Variants in QTMAN observed in about 807,000 individuals in gnomAD.
The protein encoded by QTMAN is queuosine-tRNA mannosyltransferase.
the QTMAN span, among the ~76,000 whole-genome samples, chr2:144,092,321 G>A: frequency 2.6e-5 from 4 of 151,900 alleles, no homozygotes; most frequent in East Asian, 1.9e-4. Flanking sequence ...GACTACAGGC[G>A]CCCACCACCG....
At chr2:144,103,815 C>T in the QTMAN span, among the ~76,000 whole-genome samples, 920 of 152,220 alleles carry the variant, frequency 6.0e-3, 14 homozygotes, top group African/African-American at 0.021. Flanking sequence ...TAGGGCCAGG[C>T]AGGGTGGCTC....
At chr2:144,054,130 G>A in the QTMAN span, among the ~76,000 whole-genome samples, 3 of 152,170 alleles carry the variant, frequency 2.0e-5, no homozygotes, top group Admixed American at 6.5e-5. Flanking sequence ...GGAGCTGGCA[G>A]TGAGCAGAGA....
chr2:144,134,279 A>G, the QTMAN span, among the ~76,000 whole-genome samples: 1 of 152,084 alleles, frequency 6.6e-6, no homozygotes, highest in East Asian at 1.9e-4. Flanking sequence ...TAAAGTTTTC[A>G]CACTGTTTTT....
the QTMAN span, among the ~76,000 whole-genome samples, chr2:143,968,067 C>A: frequency 3.3e-5 from 5 of 152,132 alleles, no homozygotes; most frequent in Non-Finnish European, 7.4e-5. Flanking sequence ...AGCAAAGCGG[C>A]CTTCTAAGGG....
At chr2:143,945,390 CA>C in the QTMAN span, 1 of 152,206 alleles carries the variant, frequency 6.6e-6, no homozygotes, top group Admixed American at 6.5e-5. Flanking sequence ...CTGTGGGTCT[CA>C]TGAAGGTTGG....
chr2:143,957,293 G>A, the QTMAN span: 7 of 1,609,612 alleles, frequency 4.3e-6, no homozygotes, highest in Non-Finnish European at 5.9e-6. Context: ...AGTAGCCCCA[G>A]TGTAAGACAG....
the QTMAN span, among the ~76,000 whole-genome samples, chr2:144,271,427 A>G: frequency 6.6e-6 from 1 of 152,214 alleles, no homozygotes; most frequent in Non-Finnish European, 1.5e-5. Context: ...AAGGAACCAG[A>G]CTAGCCATTT....
the QTMAN span, among the ~76,000 whole-genome samples, chr2:143,983,092 AAGCTTAGTTGAAAG>A: frequency 6.6e-6 from 1 of 152,178 alleles, no homozygotes; most frequent in Non-Finnish European, 1.5e-5. Flanking sequence ...ATGAACAATA[AAGCTTAGTTGAAAG>A]AGGGTTCAAA....
chr2:144,174,749 G>T, the QTMAN span, among the ~76,000 whole-genome samples: 1 of 152,184 alleles, frequency 6.6e-6, no homozygotes, highest in Non-Finnish European at 1.5e-5. Context: ...CTCTTGCCTG[G>T]TGCCATGTAA....
the QTMAN span, among the ~76,000 whole-genome samples, chr2:144,201,443 C>T: frequency 1.3e-5 from 2 of 152,176 alleles, no homozygotes; most frequent in Admixed American, 1.3e-4. Flanking sequence ...GCCCAGATTG[C>T]GTGGACCACA....
At chr2:143,990,797 G>A in the QTMAN span, among the ~76,000 whole-genome samples, 1 of 152,150 alleles carries the variant, frequency 6.6e-6, no homozygotes, top group Non-Finnish European at 1.5e-5. Flanking sequence ...AAACAAGGCA[G>A]CAGACCCACA....
the QTMAN span, among the ~76,000 whole-genome samples, chr2:144,078,492 T>A: frequency 6.6e-6 from 1 of 152,242 alleles, no homozygotes; most frequent in Non-Finnish European, 1.5e-5. Flanking sequence ...CACTCAGCAA[T>A]TCTGCATAAG....
chr2:144,257,944 G>A, the QTMAN span, among the ~76,000 whole-genome samples: 1 of 152,180 alleles, frequency 6.6e-6, no homozygotes, highest in East Asian at 1.9e-4. Context: ...TCAAAGTAAA[G>A]GGGTTCAAAG....
At chr2:144,197,072 C>T in the QTMAN span, among the ~76,000 whole-genome samples, 1 of 152,092 alleles carries the variant, frequency 6.6e-6, no homozygotes, top group African/African-American at 2.4e-5. Flanking sequence ...CCTACTACAC[C>T]CCCATGCTAT....
At chr2:144,241,798 A>G in the QTMAN span, among the ~76,000 whole-genome samples, 1 of 152,156 alleles carries the variant, frequency 6.6e-6, no homozygotes, top group Non-Finnish European at 1.5e-5. Flanking sequence ...CTATGTGACT[A>G]CAAAGTACTT....
chr2:144,196,225 AC>A, the QTMAN span, among the ~76,000 whole-genome samples: 1 of 151,228 alleles, frequency 6.6e-6, no homozygotes, highest in Non-Finnish European at 1.5e-5. Context: ...ACACACACAC[AC>A]ACACACACAC....
At chr2:144,026,219 A>G in the QTMAN span, among the ~76,000 whole-genome samples, 1 of 152,136 alleles carries the variant, frequency 6.6e-6, no homozygotes, top group Admixed American at 6.5e-5. Context: ...GAATCACCTG[A>G]GGTCAGGAGT....
At chr2:144,023,737 A>T in the QTMAN span, among the ~76,000 whole-genome samples, 1 of 152,246 alleles carries the variant, frequency 6.6e-6, no homozygotes, top group Non-Finnish European at 1.5e-5. Context: ...AGATGCACAA[A>T]CATCTCTATA....
the QTMAN span, among the ~76,000 whole-genome samples, chr2:144,149,464 C>G: frequency 6.6e-6 from 1 of 151,952 alleles, no homozygotes; most frequent in African/African-American, 2.4e-5. Flanking sequence ...TACTTATTAC[C>G]ATGCTACTAC....
Sources: gnomAD v4.1 joint callset for allele counts (sites outside exome capture counted in the v4.1 genomes callset) on GRCh38, gnomAD v4.1.1 for gene constraint, MANE v1.5 for transcripts, NCBI Gene and HGNC (gene_info 2026-07-23, HGNC 2026-07-21) for gene names.